The following SPAG16 variants were observed in gnomAD, a reference collection of about 807,000 sequenced individuals.
The protein encoded by SPAG16 is sperm-associated antigen 16 protein.
In SPAG16, 86 loss-of-function variants were observed where a neutral mutation model predicts 80.4. The observed-to-expected ratio is 1.07, with a 90% CI of 0.90 to 1.28. SPAG16 has a LOEUF of 1.28. SPAG16 is among the 50% of genes most tolerant of loss of function. The pLI, the probability that SPAG16 is intolerant of heterozygous loss-of-function variation, is 0.00. For synonymous variants in SPAG16, 294 were observed against 265.9 expected (o/e 1.11, Z -1.03); for missense variants, 870 against 765.3 (o/e 1.14, Z -1.61).
chr2:213,428,459 G>A lies in SPAG16; in HGVS notation c.942+53340G>A, dbSNP rs572325064. 5.3e-4 allele frequency among the ~76,000 whole-genome samples: 81 copies of A among 152,280 alleles called. 1 individual carries two copies. Among genetic ancestry groups the A allele is most frequent in the African/African-American group, 1.8e-3 (74 of 41,572 alleles). On this transcript the variant is annotated intron_variant, in intron 9 of 15. Transcript: ENST00000331683. ...TCAATCCTAGCTCATACAAAGCCAG[G>A]TGGGATTCTGTGATCTAGCAGCAGT...
intron 10 of SPAG16, among the ~76,000 whole-genome samples, chr2:213,825,746 GT>G (rs1198761045): frequency 7.5e-6 from 1 of 133,972 alleles, no homozygotes; most frequent in African/African-American, 2.8e-5. Flanking sequence ...TTTCGTTTAG[GT>G]ATCATGGTTA....
At chr2:214,103,563 A>G (rs1251365386) in intron 13 of SPAG16, among the ~76,000 whole-genome samples, 1 of 152,234 alleles carries the variant, frequency 6.6e-6, no homozygotes, top group Non-Finnish European at 1.5e-5. Flanking sequence ...GGATAAGGAC[A>G]TGTGTATATC....
At chr2:213,897,516 T>A (rs186613604) in intron 11 of SPAG16, among the ~76,000 whole-genome samples, 144 of 152,324 alleles carry the variant, frequency 9.5e-4, no homozygotes, top group Non-Finnish European at 1.7e-3. Context: ...TAAAATGTGT[T>A]TTTTCTTTAT....
chr2:214,109,068 T>C (rs2053541510), intron 14 of SPAG16, among the ~76,000 whole-genome samples: 1 of 152,162 alleles, frequency 6.6e-6, no homozygotes, highest in East Asian at 1.9e-4. Context: ...TTCAGTCTTT[T>C]TGCTCTCTTG....
chr2:213,865,936 CTATA>C (rs3046040), intron 11 of SPAG16, among the ~76,000 whole-genome samples: 4 of 147,270 alleles, frequency 2.7e-5, no homozygotes, highest in African/African-American at 7.4e-5. Context: ...TATATATATA[CTATA>C]TATATATGTG....
intron 15 of SPAG16, among the ~76,000 whole-genome samples, chr2:214,399,896 G>A (rs983499641): frequency 1.3e-5 from 2 of 152,190 alleles, no homozygotes; most frequent in Non-Finnish European, 2.9e-5. Context: ...CAAAGCTCCA[G>A]ATATATGGGG....
Position 213,364,067 on chromosome 2 carries a change from ACT to A in SPAG16, c.763-8_763-7del. On this transcript the variant is annotated splice_polypyrimidine_tract_variant and splice_region_variant and intron_variant, in intron 7 of 15. Transcript: ENST00000331683. ...GTATAATTTCATTTCTTTGAATTTT[ACT>A]TTTTAGATTTCTGGACTTCAAGAAA... 1 of 1,427,918 alleles carries A rather than the reference ACT, an allele frequency of 7.0e-7. No homozygotes were observed. Among genetic ancestry groups the A allele is most frequent in the South Asian group, 1.5e-5 (1 of 67,208 alleles). The allele number at this position is 1,427,918 out of a possible 1,614,324, so 88.5% of individuals were successfully genotyped here.
intron 15 of SPAG16, among the ~76,000 whole-genome samples, chr2:214,276,878 CAG>C (rs1692507426): frequency 1.3e-5 from 2 of 152,042 alleles, no homozygotes; most frequent in African/African-American, 4.8e-5. Flanking sequence ...TAATATCCTG[CAG>C]AGTGTTTTCC....
chr2:214,166,414 C>A (rs1288593630), intron 15 of SPAG16, among the ~76,000 whole-genome samples: 1 of 152,126 alleles, frequency 6.6e-6, no homozygotes, highest in Non-Finnish European at 1.5e-5. Context: ...TCCCTCCACG[C>A]CCCCGGGCTC....
rs373384000 is a variant in SPAG16 at position 213,689,451 on chromosome 2, A to G, written c.1071-173034A>G. On this transcript the variant is annotated intron_variant, in intron 10 of 15. Transcript: ENST00000331683. ...TATATTCTTTAGATTTCTTTTGAAA[A>G]GCAGTTAAATCACTTAGAAGCAGTT... is the stretch of plus-strand genomic sequence containing the variant. 5.3e-5 allele frequency among the ~76,000 whole-genome samples: 8 copies of G among 151,660 alleles called. No homozygotes were observed. The East Asian group carries it at 1.4e-3, about 26-fold the overall frequency.
At chr2:214,127,724 A>G (rs1200748240) in intron 14 of SPAG16, among the ~76,000 whole-genome samples, 1 of 151,908 alleles carries the variant, frequency 6.6e-6, no homozygotes, top group Non-Finnish European at 1.5e-5. Flanking sequence ...CTACTGCATC[A>G]GTCCTGTCCT....
At chr2:213,614,809 A>G (rs1279633670) in intron 10 of SPAG16, among the ~76,000 whole-genome samples, 3 of 152,246 alleles carry the variant, frequency 2.0e-5, no homozygotes, top group Non-Finnish European at 4.4e-5. Flanking sequence ...TACATAATTT[A>G]TGCTTTTAGC....
chr2:213,400,453 TA>T (rs1366882740), intron 9 of SPAG16, among the ~76,000 whole-genome samples: 6 of 152,212 alleles, frequency 3.9e-5, no homozygotes, highest in Non-Finnish European at 5.9e-5. Flanking sequence ...GGTTTTGGGT[TA>T]TTTTTTTATT....
intron 7 of SPAG16, among the ~76,000 whole-genome samples, chr2:213,355,699 G>T (rs889593419): frequency 9.2e-5 from 14 of 152,182 alleles, no homozygotes; most frequent in African/African-American, 1.2e-4. Context: ...GCTTGTGATT[G>T]TTGCACATTG....
intron 11 of SPAG16, among the ~76,000 whole-genome samples, chr2:213,879,476 A>G (rs553632112): frequency 3.4e-4 from 52 of 151,902 alleles, no homozygotes; most frequent in African/African-American, 1.2e-3. Flanking sequence ...TCTCAGCTTG[A>G]TGATTATCAG....
At chr2:214,301,186 C>T (rs1045575156) in intron 15 of SPAG16, among the ~76,000 whole-genome samples, 2 of 150,070 alleles carry the variant, frequency 1.3e-5, no homozygotes, top group Non-Finnish European at 3.0e-5. Flanking sequence ...TGTGATTTAC[C>T]ACATAAATAG....
chr2:214,152,558 G>A (rs1022240946), intron 15 of SPAG16, among the ~76,000 whole-genome samples: 1 of 152,122 alleles, frequency 6.6e-6, no homozygotes, highest in African/African-American at 2.4e-5. Flanking sequence ...AGGTCGGTGG[G>A]TCTCTCCCTG....
intron 15 of SPAG16, among the ~76,000 whole-genome samples, chr2:214,187,881 T>C (rs1364158498): frequency 8.5e-5 from 13 of 152,148 alleles, no homozygotes; most frequent in Admixed American, 8.5e-4. Flanking sequence ...AGTAGTACTT[T>C]GAGCTATTCT....
chr2:213,971,456 A>G (rs929726001), intron 12 of SPAG16, among the ~76,000 whole-genome samples: 4 of 152,128 alleles, frequency 2.6e-5, no homozygotes, highest in African/African-American at 9.6e-5. Flanking sequence ...TACTACCTGA[A>G]TGCAAAATTA....
Sources: gnomAD v4.1 joint callset for allele counts (sites outside exome capture counted in the v4.1 genomes callset) on GRCh38, gnomAD v4.1.1 for gene constraint, MANE v1.5 for transcripts, NCBI Gene and HGNC (gene_info 2026-07-23, HGNC 2026-07-21) for gene names.